DNAJC13: variants seen among roughly 807,000 people sequenced by gnomAD.
DNAJC13 encodes dnaJ homolog subfamily C member 13.
DNAJC13 carries 75 observed loss-of-function variants against 290.5 expected under a neutral mutation model. That is an observed-to-expected ratio of 0.26 (90% confidence interval 0.21 to 0.31). The LOEUF (loss-of-function observed/expected upper bound fraction) is 0.31, where lower values mean the gene tolerates loss of function less well. Among genes scored for constraint, DNAJC13 ranks in the 10% least tolerant of loss-of-function variants. The pLI, the probability that DNAJC13 is intolerant of heterozygous loss-of-function variation, is 1.00. For missense variants in DNAJC13, 2,260 were observed against 2,674.5 expected (o/e 0.85, Z 3.42); for synonymous variants, 862 against 892.0 (o/e 0.97, Z 0.60).
At position 132,538,426 on chromosome 3, in the gene DNAJC13, A is replaced by G. The variant is rs1936664144; in HGVS notation, c.*144A>G. ...TTTTCTATAAATATATTTTTAGGAAAAAAAGTCAGTGATCCTAATTGTATC... is the reference window on the plus strand; with the variant it reads ...TTTTCTATAAATATATTTTTAGGAAGAAAAGTCAGTGATCCTAATTGTATC... On this transcript the variant is annotated 3_prime_UTR_variant, in exon 56 of 56. Coordinates refer to ENST00000260818, the MANE Select transcript of DNAJC13 (RefSeq NM_015268.4). 1 of 624,502 alleles carries G rather than the reference A, an allele frequency of 1.6e-6. No homozygotes were observed. Among genetic ancestry groups the G allele is most frequent in the Non-Finnish European group, 2.7e-6 (1 of 376,112 alleles). The allele number at this position is 624,502 out of a possible 1,614,324, so 38.7% of individuals were successfully genotyped here.
chr3:132,538,347 C>G lies in DNAJC13; in HGVS notation c.*65C>G. 1.6e-6 allele frequency: 2 copies of G among 1,274,714 alleles called. No homozygotes were observed. Among genetic ancestry groups the G allele is most frequent in the Non-Finnish European group, 2.2e-6 (2 of 890,588 alleles). 79.0% of individuals were successfully genotyped at this position (1,274,714 alleles called of 1,614,324 possible). On this transcript the variant is annotated 3_prime_UTR_variant, in exon 56 of 56. Coordinates refer to ENST00000260818, the MANE Select transcript of DNAJC13 (RefSeq NM_015268.4). Reference sequence around the variant, plus strand: ...CAAGTCCACATTCCTCCAGCTGATACGTTGAAGCAAACTCTTACTGCCTTT... The same window carrying G: ...CAAGTCCACATTCCTCCAGCTGATAGGTTGAAGCAAACTCTTACTGCCTTT...
chr3:132,495,280 G>A, intron 35 of DNAJC13, 114 bp downstream of exon 35: 1 of 734,750 alleles, frequency 1.4e-6, no homozygotes, highest in Non-Finnish European at 2.2e-6. Flanking sequence ...TATATACTCA[G>A]TGTATGTTTA....
chr3:132,431,422 C>G (rs1939236341), intron 1 of DNAJC13, among the ~76,000 whole-genome samples: 1 of 152,006 alleles, frequency 6.6e-6, no homozygotes, highest in Non-Finnish European at 1.5e-5. Flanking sequence ...CAATTTAAAA[C>G]AAGATGTTTA....
intron 55 of DNAJC13, among the ~76,000 whole-genome samples, chr3:132,537,614 C>T (rs140516641): frequency 3.1e-4 from 47 of 152,356 alleles, no homozygotes; most frequent in African/African-American, 1.0e-3. Flanking sequence ...TACCCTTTCA[C>T]ATAGCATTCT....
intron 29 of DNAJC13, among the ~76,000 whole-genome samples, chr3:132,487,559 A>ATT (rs10663131): frequency 0.11 from 11,690 of 110,408 alleles, 1,359 homozygotes; most frequent in African/African-American, 0.27. Context: ...CCTGGCTGTA[A>ATT]TTTTTTTTTT....
rs1933431550 is a variant in DNAJC13 at position 132,452,038 on chromosome 3, G to A, written c.537+1191G>A. Among the ~76,000 whole-genome samples, 3 of 152,256 alleles carry A rather than the reference G, an allele frequency of 2.0e-5. 1 individual carries two copies. The South Asian group carries it at 6.2e-4, about 32-fold the overall frequency. On this transcript the variant is annotated intron_variant, in intron 6 of 55. Transcript: ENST00000260818. Reference sequence around the variant, plus strand: ...GCTGTCTTAGTGCTATCCATAGACTGTCTCTTCCCTGGTCAGTGGTAATTT... The same window carrying A: ...GCTGTCTTAGTGCTATCCATAGACTATCTCTTCCCTGGTCAGTGGTAATTT...
intron 13 of DNAJC13, chr3:132,457,980 G>T (rs1933671812): frequency 6.6e-6 from 1 of 152,164 alleles, no homozygotes; most frequent in Non-Finnish European, 1.5e-5. Flanking sequence ...AACACCTGAA[G>T]GATTTTTTTT....
At chr3:132,502,563 A>G in intron 40 of DNAJC13, 95 bp downstream of exon 40, 1 of 1,140,390 alleles carries the variant, frequency 8.8e-7, no homozygotes, top group Non-Finnish European at 1.2e-6. Context: ...GAGTCCCCAG[A>G]GATAAATTGT....
At chr3:132,446,422 A>G in intron 2 of DNAJC13, 53 bp from the exon 3 acceptor site, 1 of 1,281,646 alleles carries the variant, frequency 7.8e-7, no homozygotes, top group Non-Finnish European at 1.1e-6. Flanking sequence ...ATATTTTCTT[A>G]TAAAATATCT....
At chr3:132,486,419 C>T (rs1443975288) in intron 29 of DNAJC13, among the ~76,000 whole-genome samples, 2 of 152,068 alleles carry the variant, frequency 1.3e-5, no homozygotes, top group East Asian at 3.9e-4. Context: ...CATTAAATTT[C>T]AGTCTAGGAA....
rs1275410624 is a variant in DNAJC13, at chr3:132,472,135, C to CT, written c.2209-1009dup. Reference sequence around the variant, plus strand: ...CCTGCAATGGCAGGCACTCGGCAGGCTGAGGCAGGAGAATCAGGCAGGGAG... The same window carrying CT: ...CCTGCAATGGCAGGCACTCGGCAGGCTTGAGGCAGGAGAATCAGGCAGGGAG... On this transcript the variant is annotated intron_variant, in intron 20 of 55. Transcript: ENST00000260818. Among the ~76,000 whole-genome samples the CT allele has an allele frequency of 2.0e-5, 3 of 150,362 alleles. No individual in the cohort carries two copies. In the East Asian group the frequency reaches 6.0e-4, roughly 30 times the overall value.
At chr3:132,477,234 T>G (rs1244569300) in intron 22 of DNAJC13, among the ~76,000 whole-genome samples, 2 of 152,258 alleles carry the variant, frequency 1.3e-5, no homozygotes, top group Non-Finnish European at 2.9e-5. Context: ...TATAATTGCC[T>G]GAAATCTTTC....
chr3:132,444,949 T>G (rs574749442), intron 2 of DNAJC13, among the ~76,000 whole-genome samples: 1 of 152,330 alleles, frequency 6.6e-6, no homozygotes, highest in African/African-American at 2.4e-5. Context: ...AGCAATACTT[T>G]TGTATATGGA....
chr3:132,532,583 T>C (rs747451863), intron 55 of DNAJC13, among the ~76,000 whole-genome samples: 14 of 152,138 alleles, frequency 9.2e-5, no homozygotes, highest in Non-Finnish European at 2.1e-4. Flanking sequence ...GTTAAAATTA[T>C]AGCTTCTAAG....
intron 46 of DNAJC13, 55 bp downstream of exon 46, chr3:132,514,725 A>T: frequency 7.7e-7 from 1 of 1,304,730 alleles, no homozygotes; most frequent in Non-Finnish European, 1.1e-6. Context: ...CATGGAAAGG[A>T]GTTGTTGCAT....
rs374986393 is a variant in DNAJC13 at position 132,501,117 on chromosome 3, G to A, written c.4536+204G>A. 1.2e-4 allele frequency among the ~76,000 whole-genome samples: 19 copies of A among 152,320 alleles called. No individual in the cohort carries two copies. In the East Asian group the frequency reaches 3.5e-3, roughly 28 times the overall value. On this transcript the variant is annotated intron_variant, in intron 39 of 55. Coordinates refer to ENST00000260818, the MANE Select transcript of DNAJC13 (RefSeq NM_015268.4). ...CTGGCCTACAAAGAAAAAGACTAAAGTGATACATCTAAAGGGAAGTGGGTT... is the reference window on the plus strand; with the variant it reads ...CTGGCCTACAAAGAAAAAGACTAAAATGATACATCTAAAGGGAAGTGGGTT...
Position 132,462,221 on chromosome 3 carries a change from A to C in DNAJC13, c.1714-246A>C, listed in dbSNP as rs928114954. 1.1e-4 allele frequency among the ~76,000 whole-genome samples: 17 copies of C among 152,134 alleles called. No homozygotes were observed. In the South Asian group the frequency reaches 1.7e-3, roughly 15 times the overall value. On this transcript the variant is annotated intron_variant, in intron 15 of 55. Transcript: ENST00000260818. ...GATATGTATCATTCAAATAATTATA[A>C]TTATTCAAATAGATGCCTTCTGTTT...
intron 2 of DNAJC13, among the ~76,000 whole-genome samples, chr3:132,442,081 A>G (rs1380805019): frequency 6.6e-6 from 1 of 151,506 alleles, no homozygotes; most frequent in African/African-American, 2.4e-5. Context: ...AAATCATGCT[A>G]TAAAATACCA....
chr3:132,499,018 A>T, intron 36 of DNAJC13, 108 bp from the exon 37 acceptor site: 2 of 1,065,300 alleles, frequency 1.9e-6, no homozygotes, highest in Non-Finnish European at 2.7e-6. Context: ...GCCTGGCCCC[A>T]TTTTTATTTT....
Sources: allele counts gnomAD v4.1 joint callset (sites outside exome capture counted in the v4.1 genomes callset), GRCh38; gene constraint gnomAD v4.1.1; transcripts MANE v1.5; gene names NCBI Gene and HGNC (gene_info 2026-07-23, HGNC 2026-07-21).